Variants in CELSR3 observed in about 807,000 individuals in gnomAD.
CELSR3 encodes the protein EGF-like protein 1.
In CELSR3, 73 loss-of-function variants were observed where a neutral mutation model predicts 270.0. The observed-to-expected ratio is 0.27, with a 90% CI of 0.22 to 0.33. The LOEUF (loss-of-function observed/expected upper bound fraction) is 0.33, where lower values mean the gene tolerates loss of function less well. CELSR3 is among the 10% of genes least tolerant of loss of function. CELSR3 has a pLI of 1.00. For synonymous variants in CELSR3, 1,780 were observed against 1,905.4 expected (o/e 0.93, Z 1.71); for missense variants, 3,614 against 4,533.8 (o/e 0.80, Z 5.83).
At position 48,642,185 on chromosome 3, in the gene CELSR3, T is replaced by A; in HGVS notation, c.8665+173A>T. 1.2e-6 allele frequency: 1 copy of A among 867,260 alleles called. No individual in the cohort carries two copies. Among genetic ancestry groups the A allele is most frequent in the Non-Finnish European group, 1.7e-6 (1 of 579,836 alleles). 53.7% of individuals were successfully genotyped at this position (867,260 alleles called of 1,614,324 possible). ...GGGACTTATCAGAGGGAAGGACGAA[T>A]CAGGAGTGGACTGGGAGAACCAGGG... On this transcript the variant is annotated intron_variant, in intron 31 of 34. Coordinates refer to ENST00000164024, the MANE Select transcript of CELSR3 (RefSeq NM_001407.3). This position sits in a 1 kb window ranked among gnomAD's most constrained non-coding sequence, Gnocchi z 6.1.
In CELSR3 at chr3:48,653,079, G is replaced by A. The variant is rs2047151703; in HGVS notation, c.5557C>T (p.Leu1853=). Residue 1853 remains leucine (L), a synonymous_variant, in exon 10 of 35, where the codon CTG becomes TTG. Coordinates refer to ENST00000164024, the MANE Select transcript of CELSR3 (RefSeq NM_001407.3). This position sits in a 1 kb window ranked among gnomAD's most constrained non-coding sequence, Gnocchi z 6.5. ...CCACCTGGTTCCTCCTGCAACTCCA[G>A]CCGCAGATCGTGCCACCGGCCATCA... is the stretch of plus-strand genomic sequence containing the variant. ...VSDGRWHDLR[L]ELQEEPGGRR... 6 of 1,613,352 alleles carry A rather than the reference G, an allele frequency of 3.7e-6. No homozygotes were observed. The highest frequency in any genetic ancestry group is 5.1e-6 in the Non-Finnish European group (6 of 1,180,022).
In CELSR3 at chr3:48,642,615, C is replaced by T. The variant is rs2047038128; in HGVS notation, c.8555+121G>A. On this transcript the variant is annotated intron_variant, in intron 30 of 34. Coordinates refer to ENST00000164024, the MANE Select transcript of CELSR3 (RefSeq NM_001407.3). The surrounding 1 kb of genome is among the most constrained non-coding windows in gnomAD (Gnocchi z 6.1). ...GAAGCATTTAGGGCAGAGGCAGAAGCAGGGCCCCAGATGGCCAAGATGGGT... is the reference window on the plus strand; with the variant it reads ...GAAGCATTTAGGGCAGAGGCAGAAGTAGGGCCCCAGATGGCCAAGATGGGT... The T allele has an allele frequency of 1.4e-6, 2 of 1,463,542 alleles. No homozygotes were observed. The highest frequency in any genetic ancestry group is 9.2e-7 in the Non-Finnish European group (1 of 1,088,426). 90.7% of individuals were successfully genotyped at this position (1,463,542 alleles called of 1,614,324 possible).
At position 48,637,902 on chromosome 3, in the gene CELSR3, C is replaced by A. The variant is rs997126294; in HGVS notation, c.*303G>T. The A allele has an allele frequency of 2.5e-6, 1 of 398,890 alleles. No homozygotes were observed. The highest frequency in any genetic ancestry group is 3.9e-5 in the East Asian group (1 of 25,592). 24.7% of individuals were successfully genotyped at this position (398,890 alleles called of 1,614,324 possible). A position where few individuals can be genotyped will look rare whatever the true frequency, so the allele number is the denominator to read the frequency against. ...GCATCTCTCCCTCTATCTCCCTCCC[C>A]CTCCCAGCCCAGCCTCAAACCCCCC... On this transcript the variant is annotated 3_prime_UTR_variant, in exon 35 of 35. Transcript: ENST00000164024.
In CELSR3 at chr3:48,661,037, A is replaced by G; in HGVS notation, c.1598T>C (p.Ile533Thr). Residue 533 changes from isoleucine (I) to threonine (T), a missense_variant, in exon 1 of 35, where the codon ATA becomes ACA. Physicochemically the swap from Ile to Thr is moderately conservative, Grantham distance 89. Coordinates refer to ENST00000164024, the MANE Select transcript of CELSR3 (RefSeq NM_001407.3). ...GPRSATVRVH[I>T]TVLDENDNAP... ...ATTGTCGTTCTCGTCTAGCACAGTTATGTGTACGCGCACAGTGGCCGAGCG... is the reference window on the plus strand; with the variant it reads ...ATTGTCGTTCTCGTCTAGCACAGTTGTGTGTACGCGCACAGTGGCCGAGCG... The G allele has an allele frequency of 6.2e-7, 1 of 1,613,808 alleles. No homozygotes were observed. The highest frequency in any genetic ancestry group is 1.1e-5 in the South Asian group (1 of 91,088).
At chr3:48,638,834 C>T (rs1305125134) in intron 34 of CELSR3, among the ~76,000 whole-genome samples, 1 of 151,888 alleles carries the variant, frequency 6.6e-6, no homozygotes, top group Non-Finnish European at 1.5e-5. Context: ...CTTCCTTTGT[C>T]CTCTCTCTGC....
rs1296309103 is a variant in CELSR3 at position 48,662,716 on chromosome 3, G to A, written c.-82C>T. The A allele has an allele frequency of 1.6e-5, 7 of 433,340 alleles. No individual in the cohort carries two copies. The highest frequency in any genetic ancestry group is 2.2e-5 in the Non-Finnish European group (7 of 318,526). 26.8% of individuals were successfully genotyped at this position (433,340 alleles called of 1,614,324 possible). On this transcript the variant is annotated 5_prime_UTR_variant, in exon 1 of 35. Coordinates refer to ENST00000164024, the MANE Select transcript of CELSR3 (RefSeq NM_001407.3). The surrounding 1 kb of genome is among the most constrained non-coding windows in gnomAD (Gnocchi z 7.1). ...GGCCCCGCCGCTCGGGCCCCCTCCC[G>A]GGCCCCTGCCGCCGCCCCGGGCCCC...
Position 48,640,662 on chromosome 3 carries a change from A to G in CELSR3, c.9026-103T>C. On this transcript the variant is annotated intron_variant, in intron 33 of 34. Transcript: ENST00000164024. The surrounding 1 kb of genome is among the most constrained non-coding windows in gnomAD (Gnocchi z 7.5). Reference sequence around the variant, plus strand: ...TGGCAGCCCTTGGGATCCTTCCAACACAGGGATGGGAGCAGGAACCCCTTG... The same window carrying G: ...TGGCAGCCCTTGGGATCCTTCCAACGCAGGGATGGGAGCAGGAACCCCTTG... 1 of 1,290,252 alleles carries G rather than the reference A, an allele frequency of 7.8e-7. No individual in the cohort carries two copies. The allele number at this position is 1,290,252 out of a possible 1,614,324, so 79.9% of individuals were successfully genotyped here. A position where few individuals can be genotyped will look rare whatever the true frequency, so the allele number is the denominator to read the frequency against.
At position 48,647,858 on chromosome 3, in the gene CELSR3, C is replaced by A. The variant is rs763911295; in HGVS notation, c.7112G>T (p.Arg2371Leu). ...THVLLPSQSP[R>L]PSPSEVLPTS... ...GCTCTCACCTTCAGATGGGGATGGC[C>A]GTGGGGACTGGGAAGGCAGCAGCAC... The change falls in exon 20 of 35, where the codon CGG (arginine) becomes CTG (leucine). Residue 2371 changes from arginine (R) to leucine (L), a missense_variant. This residue lies in a region of CELSR3 where 1,240 missense variants were observed against 1,351.7 expected (regional missense o/e 0.92). Transcript: ENST00000164024. 6.2e-7 allele frequency: 1 copy of A among 1,610,384 alleles called. No homozygotes were observed. The highest frequency in any genetic ancestry group is 1.3e-5 in the African/African-American group (1 of 74,854).
In CELSR3 at chr3:48,641,428, A is replaced by G. The variant is rs1241106709; in HGVS notation, c.8921T>C (p.Leu2974Pro). 2 of 1,612,508 alleles carry G rather than the reference A, an allele frequency of 1.2e-6. No individual in the cohort carries two copies. Among genetic ancestry groups the G allele is most frequent in the East Asian group, 2.2e-5 (1 of 44,858 alleles). ...TGCATCCTTGCTGGTGTCCAGCCCCAGGCGCCTTTCAGAGCCCCAAGTCTG... is the reference window on the plus strand; with the variant it reads ...TGCATCCTTGCTGGTGTCCAGCCCCGGGCGCCTTTCAGAGCCCCAAGTCTG... ...ALQTWGSERR[L>P]GLDTSKDAAN... The change falls in exon 33 of 35, where the codon CTG (leucine) becomes CCG (proline). Residue 2974 changes from leucine to proline, a missense_variant. By Grantham distance (98) the Leu-to-Pro change is moderately conservative. Transcript: ENST00000164024. This position sits in a 1 kb window ranked among gnomAD's most constrained non-coding sequence, Gnocchi z 4.8.
At chr3:48,647,044 G>T in intron 20 of CELSR3, 116 bp from the exon 21 acceptor site, 1 of 980,102 alleles carries the variant, frequency 1.0e-6, no homozygotes, top group Non-Finnish European at 1.4e-6. Flanking sequence ...CAGAATTGGG[G>T]AGTGCAGGGA....
Position 48,647,915 on chromosome 3 carries a change from C to T in CELSR3, c.7055G>A (p.Arg2352Gln), listed in dbSNP as rs754463456. The change falls in exon 20 of 35, where the codon CGA (arginine) becomes CAA (glutamine). Residue 2352 changes from arginine to glutamine, a missense_variant. Transcript: ENST00000164024. Reference protein sequence around the residue: ...RYPRYHSNLFRGQDAWDPHTH... With the variant: ...RYPRYHSNLFQGQDAWDPHTH... The stretch of plus-strand genomic sequence containing the variant: ...GTGAGGATCCCAGGCATCCTGGCCT[C>T]GAAAGAGGTTGCTATGGTAGCGAGG... 3.5e-5 allele frequency: 56 copies of T among 1,611,968 alleles called. No individual in the cohort carries two copies. Among genetic ancestry groups the T allele is most frequent in the Non-Finnish European group, 4.5e-5 (53 of 1,179,668 alleles).
chr3:48,657,456 G>T lies in CELSR3; in HGVS notation c.3749-108C>A. The T allele has an allele frequency of 8.3e-7, 1 of 1,209,472 alleles. No homozygotes were observed. The highest frequency in any genetic ancestry group is 1.1e-6 in the Non-Finnish European group (1 of 893,382). The allele number at this position is 1,209,472 out of a possible 1,614,324, so 74.9% of individuals were successfully genotyped here. A position where few individuals can be genotyped will look rare whatever the true frequency, so the allele number is the denominator to read the frequency against. Reference sequence around the variant, plus strand: ...TAGCCTAGGCCCCCAGAACCTCTAAGTCAGCAGGCTGACCCCACCAGGACA... The same window carrying T: ...TAGCCTAGGCCCCCAGAACCTCTAATTCAGCAGGCTGACCCCACCAGGACA... On this transcript the variant is annotated intron_variant, in intron 1 of 34. Transcript: ENST00000164024. The surrounding 1 kb of genome is among the most constrained non-coding windows in gnomAD (Gnocchi z 5.4).
rs1319154285 is a variant in CELSR3, at chr3:48,636,647, C to T, written c.*1558G>A. The T allele has an allele frequency of 2.0e-5, 3 of 152,150 alleles. No homozygotes were observed. Among genetic ancestry groups the T allele is most frequent in the Non-Finnish European group, 4.4e-5 (3 of 68,040 alleles). 9.4% of individuals were successfully genotyped at this position (152,150 alleles called of 1,614,324 possible). On this transcript the variant is annotated 3_prime_UTR_variant, in exon 35 of 35. Transcript: ENST00000164024. Reference sequence around the variant, plus strand: ...CACTCAGCCCTTCAAGAGCTGGGGTCCTTCTCGGTAAGGAGAGTTTGGGTC... The same window carrying T: ...CACTCAGCCCTTCAAGAGCTGGGGTTCTTCTCGGTAAGGAGAGTTTGGGTC...
Position 48,659,176 on chromosome 3 carries a change from G to T in CELSR3, c.3459C>A (p.Ala1153=), listed in dbSNP as rs1475895061. Residue 1153 remains alanine, a synonymous_variant, in exon 1 of 35, where the codon GCC becomes GCA. Coordinates refer to ENST00000164024, the MANE Select transcript of CELSR3 (RefSeq NM_001407.3). This position sits in a 1 kb window ranked among gnomAD's most constrained non-coding sequence, Gnocchi z 8.1. ...GGTCAACCAGGCGGACGTGCACAGT[G>T]GCCCGGCTGACCAAAGGAGCAGATG... ...QATSAPLVSR[A]TVHVRLVDQN... is the part of the protein sequence containing the mutation. The T allele has an allele frequency of 5.0e-6, 8 of 1,614,222 alleles. No homozygotes were observed. The highest frequency in any genetic ancestry group is 6.8e-6 in the Non-Finnish European group (8 of 1,180,046).
Position 48,644,759 on chromosome 3 carries a change from G to T in CELSR3, c.8042C>A (p.Pro2681His). 6.2e-7 allele frequency: 1 copy of T among 1,613,548 alleles called. No homozygotes were observed. The change falls in exon 26 of 35, where the codon CCC becomes CAC. Residue 2681 changes from proline to histidine, a missense_variant. Around this residue, in one of 7 missense-constraint regions of CELSR3, gnomAD observed 1,240 missense variants for 1,351.7 expected, o/e 0.92. Transcript: ENST00000164024. The surrounding 1 kb of genome is among the most constrained non-coding windows in gnomAD (Gnocchi z 4.8). Reference sequence around the variant, plus strand: ...AGGGCCAGCAAAGCTCCAGATGAGGGGCTCGTGGACTGAGATCCAGCAGAA... The same window carrying T: ...AGGGCCAGCAAAGCTCCAGATGAGGTGCTCGTGGACTGAGATCCAGCAGAA... ...PDFCWISVHE[P>H]LIWSFAGPVV...
At position 48,640,793 on chromosome 3, in the gene CELSR3, G is replaced by A. The variant is rs930462495; in HGVS notation, c.9026-234C>T. ...TGTGGTCCCGGGGCAGGGGGAGGGC[G>A]GGCAGGTCTCATGGTGCAGGGGATG... On this transcript the variant is annotated intron_variant, in intron 33 of 34. Transcript: ENST00000164024. This position sits in a 1 kb window ranked among gnomAD's most constrained non-coding sequence, Gnocchi z 7.5. 10 of 571,076 alleles carry A rather than the reference G, an allele frequency of 1.8e-5. No homozygotes were observed. The highest frequency in any genetic ancestry group is 9.4e-5 in the African/African-American group (5 of 53,154). The allele number at this position is 571,076 out of a possible 1,614,324, so 35.4% of individuals were successfully genotyped here.
chr3:48,661,519 C>T lies in CELSR3; in HGVS notation c.1116G>A (p.Ser372=). Reference sequence around the variant, plus strand: ...GCGGGTCGATGCTGAACAGCTCCAGCGAGCGGCTGTTCATGAGTGCCGCCA... The same window carrying T: ...GCGGGTCGATGCTGAACAGCTCCAGTGAGCGGCTGTTCATGAGTGCCGCCA... The part of the protein sequence containing the change: ...YSLAALMNSR[S]LELFSIDPQS... The change falls in exon 1 of 35, where the codon TCG becomes TCA. Residue 372 remains serine, a synonymous_variant. Coordinates refer to ENST00000164024, the MANE Select transcript of CELSR3 (RefSeq NM_001407.3). 6.2e-7 allele frequency: 1 copy of T among 1,603,780 alleles called. No individual in the cohort carries two copies. Among genetic ancestry groups the T allele is most frequent in the East Asian group, 2.2e-5 (1 of 44,776 alleles).
rs1353938593 is a variant in CELSR3, at chr3:48,642,074, T to A, written c.8666-65A>T. 6.9e-7 allele frequency: 1 copy of A among 1,456,214 alleles called. No homozygotes were observed. The highest frequency in any genetic ancestry group is 9.2e-7 in the Non-Finnish European group (1 of 1,091,884). 90.2% of individuals were successfully genotyped at this position (1,456,214 alleles called of 1,614,324 possible). ...GACTTGGAGATAAGGGAATTTGGAG[T>A]TGAGGGTCTAGAGGTGGGTACGGCA... On this transcript the variant is annotated intron_variant, in intron 31 of 34. Coordinates refer to ENST00000164024, the MANE Select transcript of CELSR3 (RefSeq NM_001407.3). The surrounding 1 kb of genome is among the most constrained non-coding windows in gnomAD (Gnocchi z 6.1).
chr3:48,660,239 C>T lies in CELSR3; in HGVS notation c.2396G>A (p.Arg799Gln), dbSNP rs768813606. The T allele has an allele frequency of 1.9e-6, 3 of 1,614,094 alleles. No individual in the cohort carries two copies. Among genetic ancestry groups the T allele is most frequent in the Admixed American group, 1.7e-5 (1 of 60,010 alleles). Residue 799 changes from arginine (R) to glutamine (Q), a missense_variant, in exon 1 of 35, where the codon CGG (arginine) becomes CAG (glutamine). By Grantham distance (43) the Arg-to-Gln change is conservative. Transcript: ENST00000164024. This position sits in a 1 kb window ranked among gnomAD's most constrained non-coding sequence, Gnocchi z 5.5. ...ISYQITGGNT[R>Q]NRFAISTQGG... ...CTGGGTGCTGATGGCAAAGCGATTC[C>T]GGGTGTTGCCGCCTGTGATCTGGTA...
Sources: allele counts gnomAD v4.1 joint callset (sites outside exome capture counted in the v4.1 genomes callset), GRCh38; gene constraint gnomAD v4.1.1; regional missense constraint gnomAD v4.1.1; non-coding constraint Gnocchi (gnomAD v3.1); transcripts MANE v1.5; gene names NCBI Gene and HGNC (gene_info 2026-07-23, HGNC 2026-07-21).